Variants in NCKAP5 observed in about 807,000 individuals in gnomAD.
The protein encoded by NCKAP5 is nck-associated protein 5.
In NCKAP5, 92 loss-of-function variants were observed where a neutral mutation model predicts 167.0. That is an observed-to-expected ratio of 0.55 (90% confidence interval 0.47 to 0.66). The LOEUF (loss-of-function observed/expected upper bound fraction) is 0.66, where lower values mean the gene tolerates loss of function less well. Among genes scored for constraint, NCKAP5 ranks in the 30% least tolerant of loss-of-function variants. The pLI is 0.00. For synonymous variants in NCKAP5, 891 were observed against 877.4 expected (o/e 1.02, Z -0.27); for missense variants, 2,378 against 2,315.0 (o/e 1.03, Z -0.56).
At chr2:132,748,339 C>T (rs542922971) in intron 16 of NCKAP5, among the ~76,000 whole-genome samples, 1 of 152,328 alleles carries the variant, frequency 6.6e-6, no homozygotes, top group East Asian at 1.9e-4. Flanking sequence ...ACTGACTGGC[C>T]CAGGCCTGAA....
intron 17 of NCKAP5, among the ~76,000 whole-genome samples, chr2:132,729,752 G>T (rs1007014895): frequency 6.6e-6 from 1 of 152,190 alleles, no homozygotes; most frequent in Non-Finnish European, 1.5e-5. Context: ...CCAGAATGGA[G>T]AATTGCTGTC....
chr2:133,329,851 C>T (rs1682709241), intron 3 of NCKAP5, among the ~76,000 whole-genome samples: 1 of 151,952 alleles, frequency 6.6e-6, no homozygotes, highest in Admixed American at 6.6e-5. Flanking sequence ...CATGAATTCA[C>T]CTGTGGAATC....
intron 5 of NCKAP5, among the ~76,000 whole-genome samples, chr2:133,191,703 G>A (rs1273337365): frequency 6.6e-6 from 1 of 152,104 alleles, no homozygotes. Flanking sequence ...TCACTCATTG[G>A]TGGGAATTGA....
intron 7 of NCKAP5, among the ~76,000 whole-genome samples, chr2:132,966,544 G>T (rs1161656995): frequency 2.0e-5 from 3 of 152,106 alleles, no homozygotes; most frequent in Non-Finnish European, 4.4e-5. Context: ...AAATTTTCAT[G>T]AACAGTACAC....
chr2:132,900,744 C>A (rs913654425), intron 8 of NCKAP5, among the ~76,000 whole-genome samples: 1 of 151,900 alleles, frequency 6.6e-6, no homozygotes, highest in African/African-American at 2.4e-5. Context: ...TTATTAGACA[C>A]AAGAACACCA....
intron 7 of NCKAP5, among the ~76,000 whole-genome samples, chr2:132,985,426 C>T (rs2077261130): frequency 6.6e-6 from 1 of 152,140 alleles, no homozygotes; most frequent in Admixed American, 6.5e-5. Flanking sequence ...AGTTAGTGTG[C>T]CAGCCAGCAG....
rs188050537 is a variant in NCKAP5 at position 133,240,586 on chromosome 2, T to C, written c.144-26807A>G. Among the ~76,000 whole-genome samples, 9 of 152,330 alleles carry C rather than the reference T, an allele frequency of 5.9e-5. No homozygotes were observed. The East Asian group carries it at 1.7e-3, about 29-fold the overall frequency. ...AGTCTTGAAAGCCATTATTCACTAA[T>C]TTCATGTGGAAATGAAATTTCAGCC... On this transcript the variant is annotated intron_variant, in intron 4 of 19. Transcript: ENST00000409261.
At chr2:132,865,740 C>A (rs1690294258) in intron 10 of NCKAP5, among the ~76,000 whole-genome samples, 1 of 152,130 alleles carries the variant, frequency 6.6e-6, no homozygotes, top group Non-Finnish European at 1.5e-5. Context: ...GGGAGTGGGT[C>A]AGAGCGTGGG....
At chr2:132,694,853 G>A (rs1451166692) in intron 19 of NCKAP5, among the ~76,000 whole-genome samples, 3 of 152,146 alleles carry the variant, frequency 2.0e-5, no homozygotes, top group South Asian at 2.1e-4. Flanking sequence ...GAGCTTAGTC[G>A]CCACCCTCCA....
At chr2:133,119,987 C>T (rs966145343) in intron 6 of NCKAP5, among the ~76,000 whole-genome samples, 8 of 152,222 alleles carry the variant, frequency 5.3e-5, no homozygotes, top group African/African-American at 1.9e-4. Context: ...ACTGTCATTT[C>T]TGTAACCATG....
intron 2 of NCKAP5, among the ~76,000 whole-genome samples, chr2:133,549,455 T>G (rs1194368785): frequency 7.9e-6 from 1 of 126,850 alleles, no homozygotes. Flanking sequence ...TCAAAACCGC[T>G]CAACTACATG....
intron 3 of NCKAP5, among the ~76,000 whole-genome samples, chr2:133,388,720 C>G (rs77921775): frequency 1.3e-5 from 2 of 152,346 alleles, no homozygotes; most frequent in African/African-American, 4.8e-5. Context: ...TTTACCTACT[C>G]AAGTCTCAGC....
chr2:133,288,906 G>A (rs1264218692), intron 4 of NCKAP5, among the ~76,000 whole-genome samples: 2 of 152,054 alleles, frequency 1.3e-5, no homozygotes. Flanking sequence ...CTAGATGACA[G>A]GTAAAAATTA....
At chr2:132,754,586 T>C (rs1478648499) in intron 16 of NCKAP5, among the ~76,000 whole-genome samples, 1 of 152,212 alleles carries the variant, frequency 6.6e-6, no homozygotes, top group African/African-American at 2.4e-5. Flanking sequence ...CCTGAAGAAG[T>C]AGGGCAATAA....
chr2:133,518,451 T>C (rs903248659), intron 2 of NCKAP5, among the ~76,000 whole-genome samples: 1 of 138,608 alleles, frequency 7.2e-6, no homozygotes, highest in Non-Finnish European at 1.5e-5. Context: ...GCCTCCCTGG[T>C]TCACGCCATT....
intron 7 of NCKAP5, among the ~76,000 whole-genome samples, chr2:132,970,016 T>C (rs1016018457): frequency 3.9e-5 from 6 of 152,112 alleles, no homozygotes; most frequent in Non-Finnish European, 8.8e-5. Flanking sequence ...AGTAAGTGAA[T>C]GAGCAAAAGA....
At chr2:132,761,818 A>G (rs1216938394) in intron 16 of NCKAP5, among the ~76,000 whole-genome samples, 1 of 152,156 alleles carries the variant, frequency 6.6e-6, no homozygotes, top group Non-Finnish European at 1.5e-5. Flanking sequence ...CATGTTCCCT[A>G]TATACCTCAA....
chr2:133,421,895 T>C (rs1689501702), intron 3 of NCKAP5, among the ~76,000 whole-genome samples: 1 of 152,180 alleles, frequency 6.6e-6, no homozygotes, highest in African/African-American at 2.4e-5. Context: ...AGCTAGAGGG[T>C]GTGCCTGCTC....
At chr2:133,413,466 G>C (rs1336017649) in intron 3 of NCKAP5, among the ~76,000 whole-genome samples, 1 of 152,146 alleles carries the variant, frequency 6.6e-6, no homozygotes, top group Non-Finnish European at 1.5e-5. Flanking sequence ...TATCATATCA[G>C]TGTCAATGTC....
Sources: gnomAD v4.1 joint callset for allele counts (sites outside exome capture counted in the v4.1 genomes callset) on GRCh38, gnomAD v4.1.1 for gene constraint, MANE v1.5 for transcripts, NCBI Gene and HGNC (gene_info 2026-07-23, HGNC 2026-07-21) for gene names.